The following DPYD variants were observed in gnomAD, a reference collection of about 807,000 sequenced individuals.
DPYD encodes the protein dihydropyrimidine dehydrogenase [NADP(+)].
Under a neutral mutation model 116.2 loss-of-function variants are expected in DPYD, and 109 were observed. That is an observed-to-expected ratio of 0.94 (90% CI 0.80 to 1.10). DPYD has a LOEUF of 1.10. Ranked by LOEUF, DPYD falls within the 50% of genes least tolerant of loss-of-function variation. The pLI is 0.00. For missense variants in DPYD, 1,302 were observed against 1,254.5 expected, an observed-to-expected ratio of 1.04 and a Z score of -0.57; for synonymous variants, 440 against 432.0, an observed-to-expected ratio of 1.02 and a Z score of -0.23.
At chr1:97,657,361 T>C (rs1658986874) in intron 8 of DPYD, among the ~76,000 whole-genome samples, 1 of 152,224 alleles carries the variant, frequency 6.6e-6, no homozygotes, top group African/African-American at 2.4e-5. Flanking sequence ...TAGATATTTA[T>C]TCACTAAAAA....
intron 19 of DPYD, among the ~76,000 whole-genome samples, chr1:97,217,635 C>CA (rs775186309): frequency 0.022 from 2,883 of 131,270 alleles, 33 homozygotes; most frequent in African/African-American, 0.032. Context: ...TTATCTGTAC[C>CA]AAAAAAAAAA....
chr1:97,861,446 G>A (rs1174340506), intron 2 of DPYD, among the ~76,000 whole-genome samples: 3 of 151,504 alleles, frequency 2.0e-5, no homozygotes, highest in South Asian at 4.2e-4. Flanking sequence ...TTAAAAATAA[G>A]AACATTTATT....
intron 21 of DPYD, among the ~76,000 whole-genome samples, chr1:97,090,304 A>G (rs1011158162): frequency 3.3e-5 from 5 of 152,138 alleles, no homozygotes; most frequent in Non-Finnish European, 5.9e-5. Flanking sequence ...TTAAGGGCCC[A>G]AGGTTTAGAG....
chr1:97,796,932 G>A (rs1353728076), intron 3 of DPYD: 2 of 152,076 alleles, frequency 1.3e-5, no homozygotes, highest in Non-Finnish European at 1.5e-5. Context: ...GCAGCAGCAA[G>A]CTGATTACAC....
chr1:97,491,182 TATTA>T (rs1228532241), intron 13 of DPYD, among the ~76,000 whole-genome samples: 1 of 147,848 alleles, frequency 6.8e-6, no homozygotes, highest in Non-Finnish European at 1.5e-5. Context: ...ATTCGTAGTA[TATTA>T]TATATAATAT....
chr1:97,377,685 TC>T (rs1671712591), intron 15 of DPYD, among the ~76,000 whole-genome samples: 2 of 152,222 alleles, frequency 1.3e-5, no homozygotes, highest in East Asian at 3.8e-4. Context: ...ATTTCTCCTC[TC>T]TTCTCCTTCT....
intron 19 of DPYD, among the ~76,000 whole-genome samples, chr1:97,214,648 A>G (rs544648953): frequency 7.9e-5 from 12 of 152,328 alleles, no homozygotes; most frequent in Admixed American, 3.9e-4. Context: ...ACTTCAACCA[A>G]TGCATGACAG....
intron 1 of DPYD, among the ~76,000 whole-genome samples, chr1:97,904,086 T>G (rs772831936): frequency 6.6e-6 from 1 of 151,860 alleles, no homozygotes; most frequent in African/African-American, 2.4e-5. Flanking sequence ...GGGCTACACA[T>G]CAGGATGTCC....
intron 13 of DPYD, among the ~76,000 whole-genome samples, chr1:97,502,860 C>T (rs2101935854): frequency 6.6e-6 from 1 of 152,030 alleles, no homozygotes; most frequent in Non-Finnish European, 1.5e-5. Context: ...AAAAAAAATT[C>T]AATCTAAGCC....
Position 97,375,106 on chromosome 1 carries a change from C to A in DPYD, c.1975-1462G>T, listed in dbSNP as rs1392281769. ...AACTAGCTGATTCAAATTTTATATT[C>A]TTTTACCTAACTTCTATAATTTTTC... On this transcript the variant is annotated intron_variant, in intron 15 of 22. Coordinates refer to ENST00000370192, the MANE Select transcript of DPYD (RefSeq NM_000110.4). Among the ~76,000 whole-genome samples, 6 of 149,306 alleles carry A rather than the reference C, an allele frequency of 4.0e-5. No homozygotes were observed. The East Asian group carries it at 5.9e-4, about 15-fold the overall frequency.
At chr1:97,630,036 C>A (rs140344730) in intron 8 of DPYD, among the ~76,000 whole-genome samples, 52 of 151,900 alleles carry the variant, frequency 3.4e-4, no homozygotes, top group African/African-American at 1.2e-3. Context: ...TCACGTATAT[C>A]AATAATTTGT....
At chr1:97,545,483 G>A (rs1650769328) in intron 12 of DPYD, among the ~76,000 whole-genome samples, 1 of 152,138 alleles carries the variant, frequency 6.6e-6, no homozygotes, top group South Asian at 2.1e-4. Flanking sequence ...ACTGGAGTTG[G>A]AGCAAGTTGG....
At chr1:97,796,117 C>T (rs904917022) in intron 3 of DPYD, among the ~76,000 whole-genome samples, 2 of 151,902 alleles carry the variant, frequency 1.3e-5, no homozygotes, top group African/African-American at 2.4e-5. Flanking sequence ...AGATGTATCC[C>T]CATTTATATG....
chr1:97,798,520 G>T (rs992266482), intron 3 of DPYD, among the ~76,000 whole-genome samples: 59 of 151,816 alleles, frequency 3.9e-4, no homozygotes, highest in African/African-American at 1.4e-3. Context: ...GTATAGATTT[G>T]CAATATTTGT....
chr1:97,587,611 G>C (rs899816430), intron 10 of DPYD, among the ~76,000 whole-genome samples: 23 of 152,018 alleles, frequency 1.5e-4, no homozygotes, highest in Admixed American at 3.3e-4. Context: ...GGATCACAAG[G>C]TCAGGAGATG....
intron 20 of DPYD, among the ~76,000 whole-genome samples, chr1:97,105,831 C>G (rs1651096702): frequency 6.6e-6 from 1 of 152,030 alleles, no homozygotes; most frequent in Non-Finnish European, 1.5e-5. Flanking sequence ...GGAATTTAAA[C>G]TATGCTGAAA....
intron 8 of DPYD, among the ~76,000 whole-genome samples, chr1:97,658,090 C>T (rs1252306203): frequency 6.6e-6 from 1 of 152,048 alleles, no homozygotes; most frequent in Non-Finnish European, 1.5e-5. Flanking sequence ...CAGTTTGCAG[C>T]AAATAAGCCA....
chr1:97,402,380 T>G (rs1054780289), intron 14 of DPYD, among the ~76,000 whole-genome samples: 1 of 152,172 alleles, frequency 6.6e-6, no homozygotes, highest in African/African-American at 2.4e-5. Flanking sequence ...GTTTTGATTC[T>G]AATGTAAATA....
intron 1 of DPYD, among the ~76,000 whole-genome samples, chr1:97,891,416 G>C (rs1672769279): frequency 1.7e-5 from 1 of 57,640 alleles, no homozygotes. Flanking sequence ...GGTTATTCCA[G>C]ACGCAGAAAA....
Sources: gnomAD v4.1 joint callset for allele counts (sites outside exome capture counted in the v4.1 genomes callset) on GRCh38, gnomAD v4.1.1 for gene constraint, MANE v1.5 for transcripts, NCBI Gene and HGNC (gene_info 2026-07-23, HGNC 2026-07-21) for gene names.